Variants in GALNT13 observed in about 807,000 individuals in gnomAD.
The protein encoded by GALNT13 is polypeptide N-acetylgalactosaminyltransferase 13, also known as UDP-GalNAc:polypeptide N-acetylgalactosaminyltransferase 13.
A neutral mutation model predicts 64.2 loss-of-function variants in GALNT13; 28 were observed. That is an observed-to-expected ratio of 0.44 (90% CI 0.32 to 0.60). The LOEUF (loss-of-function observed/expected upper bound fraction) is 0.60. Among genes scored for constraint, GALNT13 ranks in the 20% least tolerant of loss-of-function variants. The pLI, the probability that GALNT13 is intolerant of heterozygous loss-of-function variation, is 0.05. For missense variants in GALNT13, 577 were observed against 669.8 expected (o/e 0.86, Z 1.53); for synonymous variants, 214 against 224.6 (o/e 0.95, Z 0.42).
chr2:153,708,340 G>T, the GALNT13 span, among the ~76,000 whole-genome samples: 11 of 152,234 alleles, frequency 7.2e-5, no homozygotes, highest in East Asian at 2.1e-3. Flanking sequence ...TCTGTGGAGT[G>T]TGTATGTGAG....
At chr2:153,360,824 G>A in the GALNT13 span, among the ~76,000 whole-genome samples, 2 of 152,148 alleles carry the variant, frequency 1.3e-5, no homozygotes, top group African/African-American at 2.4e-5. Flanking sequence ...CAGCCCAGAT[G>A]AGTGGGATTC....
At chr2:153,272,710 A>G in the GALNT13 span, among the ~76,000 whole-genome samples, 1 of 152,192 alleles carries the variant, frequency 6.6e-6, no homozygotes, top group African/African-American at 2.4e-5. Flanking sequence ...GAATGTGGCA[A>G]TTTCTCAAGG....
intron 2 of GALNT13, among the ~76,000 whole-genome samples, chr2:153,924,251 C>A (rs1457931316): frequency 2.2e-5 from 3 of 135,340 alleles, no homozygotes; most frequent in Non-Finnish European, 4.6e-5. Context: ...ATCTTGTTTG[C>A]CCCCATGTGT....
the GALNT13 span, among the ~76,000 whole-genome samples, chr2:153,165,955 G>T: frequency 1.3e-5 from 2 of 152,136 alleles, no homozygotes; most frequent in African/African-American, 4.8e-5. Context: ...AATAAAACTA[G>T]TGCCATGATC....
At chr2:153,906,244 T>A (rs559590302) in intron 2 of GALNT13, among the ~76,000 whole-genome samples, 11 of 151,788 alleles carry the variant, frequency 7.2e-5, no homozygotes, top group East Asian at 1.9e-4. Context: ...TCTTTTTTTT[T>A]AAATTTTATT....
At chr2:154,382,957 C>T (rs1171183926) in intron 9 of GALNT13, among the ~76,000 whole-genome samples, 1 of 151,782 alleles carries the variant, frequency 6.6e-6, no homozygotes, top group Non-Finnish European at 1.5e-5. Flanking sequence ...AGGTGGGGAG[C>T]ATCAGTTTCA....
the GALNT13 span, among the ~76,000 whole-genome samples, chr2:153,151,770 A>C: frequency 6.6e-6 from 1 of 151,212 alleles, no homozygotes. Flanking sequence ...CATAGGTGGG[A>C]ATTGAAAAAT....
the GALNT13 span, among the ~76,000 whole-genome samples, chr2:153,780,235 A>C: frequency 2.2e-4 from 2 of 9,182 alleles, no homozygotes; most frequent in Non-Finnish European, 7.2e-4. Context: ...ATATATATAT[A>C]TATATATATA....
At chr2:154,250,624 CA>C (rs1690017810) in intron 7 of GALNT13, among the ~76,000 whole-genome samples, 1 of 152,018 alleles carries the variant, frequency 6.6e-6, no homozygotes, top group Non-Finnish European at 1.5e-5. Flanking sequence ...ATCACTGAAT[CA>C]ATTTATAATT....
chr2:153,481,010 A>G, the GALNT13 span, among the ~76,000 whole-genome samples: 1 of 152,166 alleles, frequency 6.6e-6, no homozygotes, highest in South Asian at 2.1e-4. Flanking sequence ...CAAACCTTGG[A>G]GTCAGGAGAG....
At chr2:153,729,775 T>G in the GALNT13 span, among the ~76,000 whole-genome samples, 13 of 152,010 alleles carry the variant, frequency 8.6e-5, no homozygotes, top group African/African-American at 3.1e-4. Context: ...ATGACTTTAG[T>G]AAAGCTTCAG....
chr2:154,269,773 C>G (rs1441089428), intron 8 of GALNT13, among the ~76,000 whole-genome samples: 1 of 150,090 alleles, frequency 6.7e-6, no homozygotes, highest in Non-Finnish European at 1.5e-5. Context: ...TTGCTTTGAA[C>G]CATTGTTTAA....
At chr2:153,081,513 T>C in the GALNT13 span, among the ~76,000 whole-genome samples, 1 of 152,130 alleles carries the variant, frequency 6.6e-6, no homozygotes, top group African/African-American at 2.4e-5. Context: ...CCCCTTACCC[T>C]CCCACTACTC....
intron 7 of GALNT13, among the ~76,000 whole-genome samples, chr2:154,254,287 G>T (rs1369819371): frequency 6.6e-6 from 1 of 152,154 alleles, no homozygotes; most frequent in Non-Finnish European, 1.5e-5. Context: ...TAGCCCCATT[G>T]TTTATTTTGA....
the GALNT13 span, among the ~76,000 whole-genome samples, chr2:153,415,265 A>G: frequency 6.6e-6 from 1 of 152,178 alleles, no homozygotes; most frequent in African/African-American, 2.4e-5. Context: ...CATGTAAAGG[A>G]TGCCAATTGG....
the GALNT13 span, among the ~76,000 whole-genome samples, chr2:153,522,131 G>A: frequency 1.3e-5 from 2 of 152,024 alleles, no homozygotes; most frequent in African/African-American, 4.8e-5. Flanking sequence ...TCAGGAGTTT[G>A]AGACCAGCCT....
At chr2:153,881,252 T>TA (rs1260315166) in intron 1 of GALNT13, among the ~76,000 whole-genome samples, 1 of 152,194 alleles carries the variant, frequency 6.6e-6, no homozygotes, top group Non-Finnish European at 1.5e-5. Flanking sequence ...TCAGACTTTT[T>TA]AAAAATAAAA....
At chr2:154,064,865 G>A (rs1284265674) in intron 3 of GALNT13, among the ~76,000 whole-genome samples, 1 of 151,988 alleles carries the variant, frequency 6.6e-6, no homozygotes, top group Non-Finnish European at 1.5e-5. Flanking sequence ...AGAGTAAAGG[G>A]GACTTTGTTT....
At chr2:154,075,240 C>G (rs1039689991) in intron 3 of GALNT13, among the ~76,000 whole-genome samples, 61 of 151,680 alleles carry the variant, frequency 4.0e-4, no homozygotes, top group African/African-American at 1.4e-3. Context: ...ATATTAGAAA[C>G]CTTGACATGT....
Sources: gnomAD v4.1 joint callset for allele counts (sites outside exome capture counted in the v4.1 genomes callset) on GRCh38, gnomAD v4.1.1 for gene constraint, MANE v1.5 for transcripts, NCBI Gene and HGNC (gene_info 2026-07-23, HGNC 2026-07-21) for gene names.